The following SEMA3E variants were observed in gnomAD, a reference collection of about 807,000 sequenced individuals.
SEMA3E encodes semaphorin-3E.
SEMA3E carries 49 observed loss-of-function variants against 93.6 expected under a neutral mutation model. That is an observed-to-expected ratio of 0.52 (90% CI 0.42 to 0.66). SEMA3E has a LOEUF of 0.66. SEMA3E is among the 30% of genes least tolerant of loss of function. The pLI is 0.00. For synonymous variants in SEMA3E, 363 were observed against 330.7 expected (o/e 1.10, Z -1.06); for missense variants, 906 against 964.8 (o/e 0.94, Z 0.81).
chr7:83,367,939 G>C lies in SEMA3E; in HGVS notation c.1975C>G (p.His659Asp). 6.2e-7 allele frequency: 1 copy of C among 1,613,264 alleles called. No individual in the cohort carries two copies. The highest frequency in any genetic ancestry group is 8.5e-7 in the Non-Finnish European group (1 of 1,179,636). ...AGTYFCQTVE[H>D]SFVHTVRKIT... ...TTACGGACCGTATGGACAAAGCTAT[G>C]CTCTACTGTCTGGCAAAAATAGGTC... The change falls in exon 17 of 17, where the codon CAT becomes GAT. Residue 659 changes from histidine (H) to aspartate (D), a missense_variant. Transcript: ENST00000643230.
chr7:83,559,300 A>G (rs1791979447), intron 1 of SEMA3E, among the ~76,000 whole-genome samples: 1 of 152,090 alleles, frequency 6.6e-6, no homozygotes, highest in South Asian at 2.1e-4. Flanking sequence ...TGCAACCATA[A>G]AAAGTCATGG....
chr7:83,426,204 A>G (rs1286486787), intron 4 of SEMA3E, among the ~76,000 whole-genome samples: 1 of 152,226 alleles, frequency 6.6e-6, no homozygotes, highest in Admixed American at 6.5e-5. Context: ...TTATCATTCA[A>G]CCCAGCAATC....
intron 1 of SEMA3E, among the ~76,000 whole-genome samples, chr7:83,600,440 C>T (rs2115979165): frequency 6.6e-6 from 1 of 150,750 alleles, no homozygotes; most frequent in East Asian, 1.9e-4. Context: ...CTGCCTCAAC[C>T]TCCCGAGTAG....
At chr7:83,444,475 T>C (rs1789183170) in intron 4 of SEMA3E, among the ~76,000 whole-genome samples, 1 of 152,130 alleles carries the variant, frequency 6.6e-6, no homozygotes, top group African/African-American at 2.4e-5. Context: ...CCAGTAAGCA[T>C]AGAAAATGTG....
At chr7:83,556,376 T>C (rs528641563) in intron 1 of SEMA3E, among the ~76,000 whole-genome samples, 49 of 152,168 alleles carry the variant, frequency 3.2e-4, no homozygotes, top group Non-Finnish European at 6.5e-4. Flanking sequence ...ATTCATTCAA[T>C]AGCTATATAT....
At chr7:83,628,716 A>G (rs1793724943) in intron 1 of SEMA3E, among the ~76,000 whole-genome samples, 1 of 151,924 alleles carries the variant, frequency 6.6e-6, no homozygotes, top group Non-Finnish European at 1.5e-5. Context: ...GCTTCCTTGC[A>G]TTGAGTTAGA....
rs1238960196 is a variant in SEMA3E at position 83,608,332 on chromosome 7, G to A, written c.115+40096C>T. ...TTGCATTTGTCCAGTTGTCTCTTTT[G>A]TAGGTTTCTCCTATTACTGTATTAT... On this transcript the variant is annotated intron_variant, in intron 1 of 16. Coordinates refer to ENST00000643230, the MANE Select transcript of SEMA3E (RefSeq NM_012431.3). Among the ~76,000 whole-genome samples the A allele has an allele frequency of 2.0e-5, 3 of 152,216 alleles. No individual in the cohort carries two copies. In the East Asian group the frequency reaches 5.8e-4, roughly 29 times the overall value.
intron 2 of SEMA3E, among the ~76,000 whole-genome samples, chr7:83,477,458 T>A (rs1201329818): frequency 6.6e-6 from 1 of 152,128 alleles, no homozygotes; most frequent in Non-Finnish European, 1.5e-5. Context: ...TAATGGTTTA[T>A]AAATGATAAT....
chr7:83,367,554 T>C lies in SEMA3E; in HGVS notation c.*32A>G, dbSNP rs745516811. ...TACTTTTTTACTTTCCAAATATAAA[T>C]TCTTCAAAAGACAGTAGATAGTCTC... On this transcript the variant is annotated 3_prime_UTR_variant, in exon 17 of 17. Transcript: ENST00000643230. 3.1e-6 allele frequency: 5 copies of C among 1,604,740 alleles called. No homozygotes were observed. The highest frequency in any genetic ancestry group is 1.1e-5 in the South Asian group (1 of 90,846).
At chr7:83,568,546 CCAAGGATG>C in intron 1 of SEMA3E, among the ~76,000 whole-genome samples, 1 of 152,150 alleles carries the variant, frequency 6.6e-6, no homozygotes, top group Middle Eastern at 3.4e-3. Context: ...ATGATTTATC[CCAAGGATG>C]CAAGGATGGA....
chr7:83,593,925 A>T (rs928036101), intron 1 of SEMA3E, among the ~76,000 whole-genome samples: 7 of 152,294 alleles, frequency 4.6e-5, no homozygotes, highest in Admixed American at 1.3e-4. Flanking sequence ...GGATAACTAT[A>T]ATTACCTTCA....
chr7:83,404,538 A>C (rs1262861211), intron 9 of SEMA3E, among the ~76,000 whole-genome samples: 1 of 152,034 alleles, frequency 6.6e-6, no homozygotes, highest in Non-Finnish European at 1.5e-5. Context: ...GATACTCAGG[A>C]AATTGTCTAT....
At chr7:83,537,055 A>ACT (rs761688494) in intron 1 of SEMA3E, among the ~76,000 whole-genome samples, 13 of 147,354 alleles carry the variant, frequency 8.8e-5, no homozygotes, top group Non-Finnish European at 2.0e-4. Flanking sequence ...TCTCTCTCTC[A>ACT]CTCTCTCTCT....
chr7:83,594,345 TC>T (rs1249619629), intron 1 of SEMA3E, among the ~76,000 whole-genome samples: 1 of 152,122 alleles, frequency 6.6e-6, no homozygotes, highest in Non-Finnish European at 1.5e-5. Flanking sequence ...ACCAGGATTT[TC>T]CAGGTGCAGG....
intron 1 of SEMA3E, among the ~76,000 whole-genome samples, chr7:83,616,414 A>T (rs920520101): frequency 1.3e-5 from 2 of 152,154 alleles, no homozygotes; most frequent in African/African-American, 4.8e-5. Flanking sequence ...CTTTGAGATG[A>T]AACATCTTAC....
chr7:83,577,410 G>A (rs1353085352), intron 1 of SEMA3E, among the ~76,000 whole-genome samples: 1 of 152,110 alleles, frequency 6.6e-6, no homozygotes, highest in Non-Finnish European at 1.5e-5. Flanking sequence ...AACTTACCAA[G>A]ACTCAAAATG....
chr7:83,410,391 G>A (rs1788416320), intron 5 of SEMA3E, among the ~76,000 whole-genome samples: 1 of 151,924 alleles, frequency 6.6e-6, no homozygotes, highest in African/African-American at 2.4e-5. Context: ...TTCAACTTAC[G>A]CTAAGTGAGA....
At chr7:83,618,962 A>G (rs866820520) in intron 1 of SEMA3E, among the ~76,000 whole-genome samples, 2 of 151,904 alleles carry the variant, frequency 1.3e-5, no homozygotes, top group Non-Finnish European at 2.9e-5. Context: ...AGAAAAACAT[A>G]CCCATCATAC....
intron 1 of SEMA3E, among the ~76,000 whole-genome samples, chr7:83,584,007 C>T (rs554798639): frequency 1.3e-5 from 2 of 152,116 alleles, no homozygotes; most frequent in East Asian, 3.9e-4. Flanking sequence ...ACTCTGGAGC[C>T]TCCTATATGT....
Sources: gnomAD v4.1 joint callset for allele counts (sites outside exome capture counted in the v4.1 genomes callset) on GRCh38, gnomAD v4.1.1 for gene constraint, MANE v1.5 for transcripts, NCBI Gene and HGNC (gene_info 2026-07-23, HGNC 2026-07-21) for gene names.